DOCK6: variants seen among roughly 807,000 people sequenced by gnomAD.
DOCK6 encodes the protein dedicator of cytokinesis protein 6.
In DOCK6, 167 loss-of-function variants were observed where a neutral mutation model predicts 230.3. The observed-to-expected ratio is 0.73, with a 90% confidence interval of 0.64 to 0.82. The LOEUF (loss-of-function observed/expected upper bound fraction) is 0.82, where lower values mean the gene tolerates loss of function less well. Among genes scored for constraint, DOCK6 ranks in the 40% least tolerant of loss-of-function variants. DOCK6 has a pLI of 0.00. For missense variants in DOCK6, 2,598 were observed against 2,825.8 expected (o/e 0.92, Z 1.83); for synonymous variants, 1,148 against 1,185.0 (o/e 0.97, Z 0.64).
At chr19:11,242,408 T>G (rs2079961959) in intron 13 of DOCK6, among the ~76,000 whole-genome samples, 1 of 152,096 alleles carries the variant, frequency 6.6e-6, no homozygotes, top group South Asian at 2.1e-4. Flanking sequence ...GTTTTTCTTT[T>G]TTTTAAGTGG....
At chr19:11,214,481 T>G in intron 33 of DOCK6, 72 bp from the exon 34 acceptor site, 2 of 1,611,530 alleles carry the variant, frequency 1.2e-6, no homozygotes, top group Non-Finnish European at 1.7e-6. Context: ...AGGAGAGGGA[T>G]TATGGAGTCA....
Position 11,248,508 on chromosome 19 carries a change from T to C in DOCK6, c.721-357A>G, listed in dbSNP as rs369176509. Among the ~76,000 whole-genome samples, 15 of 152,176 alleles carry C rather than the reference T, an allele frequency of 9.9e-5. No individual in the cohort carries two copies. In the South Asian group the frequency reaches 2.3e-3, roughly 23 times the overall value. ...TCACTGCAACCTCTGCCTCCCAGGT[T>C]CAAGTGATTCTCCTGCCTCAGCCTC... On this transcript the variant is annotated intron_variant, in intron 6 of 47. Transcript: ENST00000294618.
At chr19:11,204,430 A>G in intron 39 of DOCK6, 99 bp from the exon 40 acceptor site, 1 of 1,470,804 alleles carries the variant, frequency 6.8e-7, no homozygotes, top group Non-Finnish European at 9.1e-7. Flanking sequence ...GCTCCTACCC[A>G]CCCTCCATCA....
At chr19:11,212,507 G>A (rs2079405582) in intron 35 of DOCK6, among the ~76,000 whole-genome samples, 1 of 151,544 alleles carries the variant, frequency 6.6e-6, no homozygotes, top group Non-Finnish European at 1.5e-5. Context: ...CTCCCAAAAT[G>A]CTGGGATTAC....
At position 11,248,116 on chromosome 19, in the gene DOCK6, T is replaced by A; in HGVS notation, c.756A>T (p.Pro252=). Residue 252 remains proline (P), a synonymous_variant, in exon 7 of 48, where the codon CCA becomes CCT. Coordinates refer to ENST00000294618, the MANE Select transcript of DOCK6 (RefSeq NM_020812.4). ...TCCTTTGTCCAAAGTGCTCGCGGGG[T>A]GGCTCTGGGCGGCTACAGCGTTCCA... is the stretch of plus-strand genomic sequence containing the variant. The part of the protein sequence containing the change: ...EAVERCSRPE[P]PREHFGQRIL... 6.4e-7 allele frequency: 1 copy of A among 1,566,610 alleles called. No individual in the cohort carries two copies. The highest frequency in any genetic ancestry group is 8.7e-7 in the Non-Finnish European group (1 of 1,153,012).
chr19:11,241,435 A>C (rs1384905006), intron 14 of DOCK6: 1 of 1,537,718 alleles, frequency 6.5e-7, no homozygotes. Context: ...TTCCATTCTG[A>C]CCCCCACAGG....
chr19:11,243,457 G>A lies in DOCK6; in HGVS notation c.1259-72C>T, dbSNP rs1368423412. 3 of 1,556,250 alleles carry A rather than the reference G, an allele frequency of 1.9e-6. No individual in the cohort carries two copies. Among genetic ancestry groups the A allele is most frequent in the South Asian group, 2.4e-5 (2 of 84,816 alleles). On this transcript the variant is annotated intron_variant, in intron 11 of 47. Coordinates refer to ENST00000294618, the MANE Select transcript of DOCK6 (RefSeq NM_020812.4). The surrounding 1 kb of genome is among the most constrained non-coding windows in gnomAD (Gnocchi z 6.3). ...GGGAGACTCAGGGGCGGCACAGTTC[G>A]GCCAGCAGAGGGCGCACCCCCTCGC...
intron 1 of DOCK6, among the ~76,000 whole-genome samples, chr19:11,257,379 T>G (rs2080213687): frequency 6.7e-6 from 1 of 149,006 alleles, no homozygotes; most frequent in Admixed American, 6.8e-5. Context: ...GTAATCCCAG[T>G]GCTTTGGGAG....
Position 11,213,169 on chromosome 19 carries a change from C to A in DOCK6, c.4491+7G>T, listed in dbSNP as rs545781821. On this transcript the variant is annotated splice_region_variant and intron_variant, in intron 35 of 47. Transcript: ENST00000294618. ...TGTGTGGACCATGCCTCCTAGCCCC[C>A]ACTCACGTGGCCGATCTCGAAGTTC... is the stretch of plus-strand genomic sequence containing the variant. 6.8e-6 allele frequency: 11 copies of A among 1,610,040 alleles called. No individual in the cohort carries two copies. The highest frequency in any genetic ancestry group is 2.2e-5 in the South Asian group (2 of 90,932).
intron 22 of DOCK6, among the ~76,000 whole-genome samples, chr19:11,229,705 T>A (rs2079732860): frequency 6.6e-6 from 1 of 151,484 alleles, no homozygotes; most frequent in South Asian, 2.1e-4. Flanking sequence ...TGAGTCAAGA[T>A]CAAGGTGTGT....
At chr19:11,204,421 C>A (rs2147707161) in intron 39 of DOCK6, 90 bp from the exon 40 acceptor site, 2 of 1,520,278 alleles carry the variant, frequency 1.3e-6, no homozygotes, top group Non-Finnish European at 1.8e-6. Context: ...AGCCTCCGTG[C>A]TCCTACCCAC....
rs760502578 is a variant in DOCK6 at position 11,236,838 on chromosome 19, G to A, written c.2115C>T (p.Gly705=). 1.3e-5 allele frequency: 20 copies of A among 1,555,802 alleles called. No individual in the cohort carries two copies. Among genetic ancestry groups the A allele is most frequent in the South Asian group, 3.6e-5 (3 of 84,252 alleles). Reference sequence around the variant, plus strand: ...CGGCTGTGAGCTCCACACTGAACACGCCCTTGTGACCGTCCACCCAGCGCA... The same window carrying A: ...CGGCTGTGAGCTCCACACTGAACACACCCTTGTGACCGTCCACCCAGCGCA... ...PGMRWVDGHK[G]VFSVELTAVS... is the part of the protein sequence containing the mutation. Residue 705 remains glycine (G), a synonymous_variant, in exon 19 of 48, where the codon GGC becomes GGT. Coordinates refer to ENST00000294618, the MANE Select transcript of DOCK6 (RefSeq NM_020812.4). This position sits in a 1 kb window ranked among gnomAD's most constrained non-coding sequence, Gnocchi z 5.2.
At chr19:11,245,231 G>A (rs2080013784) in intron 9 of DOCK6, among the ~76,000 whole-genome samples, 4 of 152,176 alleles carry the variant, frequency 2.6e-5, no homozygotes, top group Admixed American at 2.6e-4. Context: ...AATCTCAAAT[G>A]AGGGTGCCAA....
In DOCK6 at chr19:11,202,859, TG is replaced by T. The variant is rs1161138242; in HGVS notation, c.5236-151del. 7.7e-7 allele frequency: 1 copy of T among 1,290,412 alleles called. No individual in the cohort carries two copies. The highest frequency in any genetic ancestry group is 2.3e-5 in the East Asian group (1 of 43,098). 79.9% of individuals were successfully genotyped at this position (1,290,412 alleles called of 1,614,324 possible). A position where few individuals can be genotyped will look rare whatever the true frequency, so the allele number is the denominator to read the frequency against. Reference sequence around the variant, plus strand: ...CACAGGCAGGGGGCCCTGAGAACATTGGGGCATGGATTGCAATAGGAAGTTA... The same window carrying T: ...CACAGGCAGGGGGCCCTGAGAACATTGGGCATGGATTGCAATAGGAAGTTA... On this transcript the variant is annotated intron_variant, in intron 41 of 47. Coordinates refer to ENST00000294618, the MANE Select transcript of DOCK6 (RefSeq NM_020812.4). This position sits in a 1 kb window ranked among gnomAD's most constrained non-coding sequence, Gnocchi z 5.3.
rs367764740 is a variant in DOCK6 at position 11,209,060 on chromosome 19, A to T, written c.4795T>A (p.Trp1599Arg). 18 of 1,612,218 alleles carry T rather than the reference A, an allele frequency of 1.1e-5. No individual in the cohort carries two copies. Among genetic ancestry groups the T allele is most frequent in the Non-Finnish European group, 1.5e-5 (18 of 1,179,466 alleles). ...TGCTTCCCGGCCATGTTCTGCAACCAGGTCAGCCGAAGGTCCGGTGAGCCC... is the reference window on the plus strand; with the variant it reads ...TGCTTCCCGGCCATGTTCTGCAACCTGGTCAGCCGAAGGTCCGGTGAGCCC... ...YQGSPDLRLT[W>R]LQNMAGKHAE... The change falls in exon 38 of 48, where the codon TGG (tryptophan) becomes AGG (arginine). Residue 1599 changes from tryptophan to arginine, a missense_variant. Coordinates refer to ENST00000294618, the MANE Select transcript of DOCK6 (RefSeq NM_020812.4).
At chr19:11,227,145 T>C (rs577423477) in intron 24 of DOCK6, among the ~76,000 whole-genome samples, 192 bp downstream of exon 24, 28 of 152,320 alleles carry the variant, frequency 1.8e-4, no homozygotes, top group African/African-American at 6.5e-4. Context: ...TATTGTTATA[T>C]TGCTACACCC....
Position 11,251,047 on chromosome 19 carries a change from G to A in DOCK6, c.547C>T (p.Pro183Ser). ...RRGSGSPEDT[P>S]RSSGASSIFD... ...ATGCTAGAGGCACCACTGCTTCGAG[G>A]GGTGTCTTCCGGGGAGCCCGAGCCA... Residue 183 changes from proline (P) to serine (S), a missense_variant, in exon 6 of 48, where the codon CCT becomes TCT. By Grantham distance (74) the Pro-to-Ser change is moderately conservative. Coordinates refer to ENST00000294618, the MANE Select transcript of DOCK6 (RefSeq NM_020812.4). 1.9e-6 allele frequency: 3 copies of A among 1,613,316 alleles called. No individual in the cohort carries two copies. The highest frequency in any genetic ancestry group is 2.5e-6 in the Non-Finnish European group (3 of 1,179,686).
rs370240351 is a variant in DOCK6 at position 11,200,081 on chromosome 19, C to T, written c.6101+227G>A. ...AGGAGACTCGCTTGAATCTGGGAGG[C>T]GGAGGTTGCAGTGAGCCAAGACTGT... is the stretch of plus-strand genomic sequence containing the variant. On this transcript the variant is annotated intron_variant, in intron 47 of 47. Coordinates refer to ENST00000294618, the MANE Select transcript of DOCK6 (RefSeq NM_020812.4). The surrounding 1 kb of genome is among the most constrained non-coding windows in gnomAD (Gnocchi z 4.3). 5.7e-4 allele frequency among the ~76,000 whole-genome samples: 82 copies of T among 144,790 alleles called. No individual in the cohort carries two copies. The East Asian group carries it at 0.016, about 29-fold the overall frequency. The allele number at this position is 144,790 out of a possible 152,430, so 95.0% of individuals were successfully genotyped here.
intron 22 of DOCK6, chr19:11,232,137 C>T (rs1490989705): frequency 3.2e-6 from 4 of 1,251,690 alleles, no homozygotes; most frequent in South Asian, 1.3e-5. Flanking sequence ...GGGAGGAGCT[C>T]ATGCTGAGGT....
Sources: gnomAD v4.1 joint callset for allele counts (sites outside exome capture counted in the v4.1 genomes callset) on GRCh38, gnomAD v4.1.1 for gene constraint, Gnocchi (gnomAD v3.1) non-coding constraint, MANE v1.5 for transcripts, NCBI Gene and HGNC (gene_info 2026-07-23, HGNC 2026-07-21) for gene names.